MKNK2: variants seen among roughly 807,000 people sequenced by gnomAD.
MKNK2 encodes the protein MAP kinase-interacting serine/threonine-protein kinase 2.
In MKNK2, 54 loss-of-function variants were observed where a neutral mutation model predicts 55.0. The ratio of observed to expected loss-of-function variants is 0.98; its 90% CI spans 0.79 to 1.23. The LOEUF is 1.23. Among genes scored for constraint, MKNK2 ranks in the 50% most tolerant of loss-of-function variants. MKNK2 has a pLI of 0.00. For synonymous variants in MKNK2, 323 were observed against 256.0 expected (o/e 1.26, Z -2.50); for missense variants, 685 against 632.1 (o/e 1.08, Z -0.90).
chr19:2,041,601 A>G (rs948073174), intron 11 of MKNK2, among the ~76,000 whole-genome samples: 4 of 152,004 alleles, frequency 2.6e-5, no homozygotes, highest in Non-Finnish European at 5.9e-5. Context: ...TGCCCTGTGG[A>G]TGGCATCAGG....
chr19:2,038,295 G>C lies in MKNK2; in HGVS notation c.*1318C>G, dbSNP rs918188285. On this transcript the variant is annotated 3_prime_UTR_variant, in exon 14 of 14. Transcript: ENST00000250896. ...AAAACTAAACAGGAGGAAGAATCCC[G>C]ACCGCGGATTTAGAAGCCAGAGGGG... 1.3e-4 allele frequency: 133 copies of C among 986,488 alleles called. No individual in the cohort carries two copies. The highest frequency in any genetic ancestry group is 1.6e-4 in the Non-Finnish European group (131 of 830,532). The allele number at this position is 986,488 out of a possible 1,614,324, so 61.1% of individuals were successfully genotyped here. A position where few individuals can be genotyped will look rare whatever the true frequency, so the allele number is the denominator to read the frequency against.
At chr19:2,039,952 C>CTT in intron 13 of MKNK2, 96 bp from the exon 14 acceptor site, 1 of 1,447,276 alleles carries the variant, frequency 6.9e-7, no homozygotes, top group Non-Finnish European at 9.4e-7. Context: ...CTTCATGCCC[C>CTT]CCTCCCAGCC....
At position 2,042,424 on chromosome 19, in the gene MKNK2, C is replaced by A. The variant is rs376371677; in HGVS notation, c.750+3G>T. 40 of 1,571,028 alleles carry A rather than the reference C, an allele frequency of 2.5e-5. No individual in the cohort carries two copies. In the African/African-American group the frequency reaches 3.8e-4, roughly 15 times the overall value. On this transcript the variant is annotated splice_donor_region_variant and intron_variant, in intron 10 of 13. Transcript: ENST00000250896. The stretch of plus-strand genomic sequence containing the variant: ...GCCCCCAGCCCTCCCCGCGGGCCCT[C>A]ACCGGAGTGAGCAGCTCCGGGGTGG...
At position 2,039,739 on chromosome 19, in the gene MKNK2, G is replaced by A. The variant is rs772913317; in HGVS notation, c.1272C>T (p.Pro424=). The A allele has an allele frequency of 3.0e-5, 48 of 1,610,532 alleles. No individual in the cohort carries two copies. In the South Asian group the frequency reaches 4.2e-4, roughly 14 times the overall value. ...AEEEAAGQGQ[P]VLVRATSRCL... ...AGCGTGAGGTAGCTCGGACCAGGAC[G>A]GGCTGGCCCTGCCCCGCGGCCTCCT... Residue 424 remains proline, a synonymous_variant, in exon 14 of 14, where the codon CCC becomes CCT. Transcript: ENST00000250896.
Position 2,037,615 on chromosome 19 carries a change from TA to T in MKNK2, c.*1997del, listed in dbSNP as rs1568232901. On this transcript the variant is annotated 3_prime_UTR_variant, in exon 14 of 14. Transcript: ENST00000250896. ...GTGCTTGGATGTTTTTCCCCCACTT[TA>T]AAAAAACTTTTGAGGTTTTTTTTTT... The T allele has an allele frequency of 7.9e-6, 6 of 756,174 alleles. No homozygotes were observed. Among genetic ancestry groups the T allele is most frequent in the Non-Finnish European group, 5.7e-6 (3 of 528,726 alleles). The allele number at this position is 756,174 out of a possible 1,614,324, so 46.8% of individuals were successfully genotyped here. A position where few individuals can be genotyped will look rare whatever the true frequency, so the allele number is the denominator to read the frequency against.
chr19:2,039,384 C>G lies in MKNK2; in HGVS notation c.*229G>C. On this transcript the variant is annotated 3_prime_UTR_variant, in exon 14 of 14. Coordinates refer to ENST00000250896, the MANE Select transcript of MKNK2 (RefSeq NM_199054.3). ...CTCTGCTCACCTTCCCGGGTGCCTG[C>G]AATGCTTTTAACCATCCAAAGGAAA... 1 of 1,389,640 alleles carries G rather than the reference C, an allele frequency of 7.2e-7. No homozygotes were observed. Among genetic ancestry groups the G allele is most frequent in the Non-Finnish European group, 9.3e-7 (1 of 1,073,966 alleles). 86.1% of individuals were successfully genotyped at this position (1,389,640 alleles called of 1,614,324 possible).
rs2016779867 is a variant in MKNK2 at position 2,037,796 on chromosome 19, G to C, written c.*1817C>G. On this transcript the variant is annotated 3_prime_UTR_variant, in exon 14 of 14. Transcript: ENST00000250896. ...CTCCAGGTCGCACGTGGATGCGACA[G>C]GGGTGGGGAGGGAGGAGGAAGTGAC... The C allele has an allele frequency of 1.9e-6, 3 of 1,607,262 alleles. No homozygotes were observed. The Admixed American group carries it at 5.0e-5, about 27-fold the overall frequency.
Position 2,038,403 on chromosome 19 carries a change from T to C in MKNK2, c.*1210A>G. 1.0e-6 allele frequency: 1 copy of C among 985,582 alleles called. No individual in the cohort carries two copies. The highest frequency in any genetic ancestry group is 1.2e-6 in the Non-Finnish European group (1 of 829,968). The allele number at this position is 985,582 out of a possible 1,614,324, so 61.1% of individuals were successfully genotyped here. ...CGCGCGCACTTCTAAAGTGGAACCC[T>C]GTATTGCATAGAACGTCCCCACCCG... On this transcript the variant is annotated 3_prime_UTR_variant, in exon 14 of 14. Transcript: ENST00000250896.
chr19:2,038,597 A>G lies in MKNK2; in HGVS notation c.*1016T>C, dbSNP rs1599376510. The G allele has an allele frequency of 1.0e-6, 1 of 985,024 alleles. No homozygotes were observed. Among genetic ancestry groups the G allele is most frequent in the East Asian group, 1.1e-4 (1 of 8,730 alleles). The allele number at this position is 985,024 out of a possible 1,614,324, so 61.0% of individuals were successfully genotyped here. ...GCCCTGGGGGTGAGGATTCGGCCAG[A>G]CCCCGGGGTCTGGGCTCAGCTCTAA... is the stretch of plus-strand genomic sequence containing the variant. On this transcript the variant is annotated 3_prime_UTR_variant, in exon 14 of 14. Transcript: ENST00000250896.
At position 2,043,529 on chromosome 19, in the gene MKNK2, C is replaced by A. The variant is rs754092238; in HGVS notation, c.393G>T (p.Glu131Asp). ...TGTGTCCCTGGCACTGGTACAGCAT[C>A]TCCACCTCCCTGAAAACCCTGCTCC... The part of the protein sequence containing the change: ...HIRSRVFREV[E>D]MLYQCQGHRN... Residue 131 changes from glutamate to aspartate, a missense_variant, in exon 6 of 14, where the codon GAG becomes GAT. Coordinates refer to ENST00000250896, the MANE Select transcript of MKNK2 (RefSeq NM_199054.3). 10 of 1,614,006 alleles carry A rather than the reference C, an allele frequency of 6.2e-6. No homozygotes were observed. The highest frequency in any genetic ancestry group is 1.3e-5 in the African/African-American group (1 of 74,928).
At chr19:2,040,885 G>A (rs1446973255) in intron 12 of MKNK2, 155 bp downstream of exon 12, 5 of 758,984 alleles carry the variant, frequency 6.6e-6, no homozygotes, top group Non-Finnish European at 1.0e-5. Flanking sequence ...TGGGGATTTC[G>A]GCTGCACCCC....
Position 2,040,161 on chromosome 19 carries a change from G to A in MKNK2, c.1127C>T (p.Thr376Ile), listed in dbSNP as rs1486919739. 12 of 1,591,208 alleles carry A rather than the reference G, an allele frequency of 7.5e-6. No individual in the cohort carries two copies. The highest frequency in any genetic ancestry group is 1.3e-5 in the African/African-American group (1 of 74,688). Residue 376 changes from threonine to isoleucine, a missense_variant, in exon 13 of 14, where the codon ACC becomes ATC. Transcript: ENST00000250896. ...CTGCAGGACCATGGGAGTGGGCAAG[G>A]TGTTCTCCGGGGCGCACTGCAACGA... Reference protein sequence around the residue: ...PWVQGCAPENTLPTPMVLQRN... With the variant: ...PWVQGCAPENILPTPMVLQRN...
Position 2,046,510 on chromosome 19 carries a change from T to C in MKNK2, c.140-42A>G, listed in dbSNP as rs764035269. The C allele has an allele frequency of 8.3e-6, 13 of 1,575,576 alleles. No homozygotes were observed. In the Middle Eastern group the frequency reaches 5.0e-4, roughly 61 times the overall value. On this transcript the variant is annotated intron_variant, in intron 3 of 13. Transcript: ENST00000250896. ...GCCCAGGGGGCTCAGGACATGGCCC[T>C]GGCCGGCCGGCCCCCACCCCCCTGC...
chr19:2,039,465 T>C lies in MKNK2; in HGVS notation c.*148A>G, dbSNP rs1263350816. On this transcript the variant is annotated 3_prime_UTR_variant, in exon 14 of 14. Transcript: ENST00000250896. Reference sequence around the variant, plus strand: ...AAAAAACCCAAAAGCAAAAACCTTCTATAAAACACCCCCCTCAGCTGAGCT... The same window carrying C: ...AAAAAACCCAAAAGCAAAAACCTTCCATAAAACACCCCCCTCAGCTGAGCT... 2 of 1,399,652 alleles carry C rather than the reference T, an allele frequency of 1.4e-6. No individual in the cohort carries two copies. Among genetic ancestry groups the C allele is most frequent in the Admixed American group, 5.8e-5 (2 of 34,244 alleles). The allele number at this position is 1,399,652 out of a possible 1,614,324, so 86.7% of individuals were successfully genotyped here. A position where few individuals can be genotyped will look rare whatever the true frequency, so the allele number is the denominator to read the frequency against.
In MKNK2 at chr19:2,038,695, C is replaced by G. The variant is rs2016807911; in HGVS notation, c.*918G>C. ...GCGCGAGGCAGGACGTGGCTACGGT[C>G]AGACTGAGCCCTGAGAAGGGGCACT... On this transcript the variant is annotated 3_prime_UTR_variant, in exon 14 of 14. Coordinates refer to ENST00000250896, the MANE Select transcript of MKNK2 (RefSeq NM_199054.3). The G allele has an allele frequency of 2.0e-6, 2 of 985,686 alleles. No homozygotes were observed. The highest frequency in any genetic ancestry group is 1.2e-6 in the Non-Finnish European group (1 of 830,116). The allele number at this position is 985,686 out of a possible 1,614,324, so 61.1% of individuals were successfully genotyped here. A position where few individuals can be genotyped will look rare whatever the true frequency, so the allele number is the denominator to read the frequency against.
At position 2,042,888 on chromosome 19, in the gene MKNK2, G is replaced by A. The variant is rs1305239614; in HGVS notation, c.494-18C>T. 4 of 1,553,640 alleles carry A rather than the reference G, an allele frequency of 2.6e-6. No individual in the cohort carries two copies. The South Asian group carries it at 4.6e-5, about 18-fold the overall frequency. ...GATGGAGCCTGGGCAGGGCAGGGCA[G>A]GGCAGGACAGGGGGAACACGCAGGT... is the stretch of plus-strand genomic sequence containing the variant. On this transcript the variant is annotated intron_variant, in intron 7 of 13. Coordinates refer to ENST00000250896, the MANE Select transcript of MKNK2 (RefSeq NM_199054.3).
chr19:2,041,776 G>A, intron 11 of MKNK2, 64 bp downstream of exon 11: 2 of 1,362,326 alleles, frequency 1.5e-6, no homozygotes, highest in Non-Finnish European at 1.9e-6. Flanking sequence ...GGGGTTAGGG[G>A]GTGTTCAGGG....
Position 2,046,220 on chromosome 19 carries a change from A to G in MKNK2, c.305T>C (p.Ile102Thr). Residue 102 changes from isoleucine to threonine, a missense_variant, in exon 5 of 14, where the codon ATC becomes ACC. Physicochemically the swap from Ile to Thr is moderately conservative, Grantham distance 89. Coordinates refer to ENST00000250896, the MANE Select transcript of MKNK2 (RefSeq NM_199054.3). The part of the protein sequence containing the change: ...EGAHARVQTC[I>T]NLITSQEYAV... ...GTACTCCTGGCTGGTGATCAGGTTG[A>G]TGCAGGTCTGCACTCGGGCATGAGC... 6.2e-7 allele frequency: 1 copy of G among 1,608,368 alleles called. No homozygotes were observed. Among genetic ancestry groups the G allele is most frequent in the Non-Finnish European group, 8.5e-7 (1 of 1,179,918 alleles).
In MKNK2 at chr19:2,043,535, C is replaced by A; in HGVS notation, c.387G>T (p.Glu129Asp). 1 of 1,614,136 alleles carries A rather than the reference C, an allele frequency of 6.2e-7. No homozygotes were observed. Among genetic ancestry groups the A allele is most frequent in the Non-Finnish European group, 8.5e-7 (1 of 1,180,012 alleles). Residue 129 changes from glutamate to aspartate, a missense_variant, in exon 6 of 14, where the codon GAG becomes GAT. Transcript: ENST00000250896. ...CCTGGCACTGGTACAGCATCTCCAC[C>A]TCCCTGAAAACCCTGCTCCGAATGT... ...PGHIRSRVFR[E>D]VEMLYQCQGH... is the part of the protein sequence containing the mutation.
Sources: allele counts gnomAD v4.1 joint callset (sites outside exome capture counted in the v4.1 genomes callset), GRCh38; gene constraint gnomAD v4.1.1; transcripts MANE v1.5; gene names NCBI Gene and HGNC (gene_info 2026-07-23, HGNC 2026-07-21).